MFSD2A: variants seen among roughly 807,000 people sequenced by gnomAD.
MFSD2A encodes the protein MFSD2 lysolipid transporter A, lysophospholipid, also known as sodium-dependent lysophosphatidylcholine symporter 1.
Under a neutral mutation model 64.7 loss-of-function variants are expected in MFSD2A, and 27 were observed. The observed-to-expected ratio is 0.42, with a 90% CI of 0.31 to 0.58. The LOEUF (loss-of-function observed/expected upper bound fraction) is 0.58. Ranked by LOEUF, MFSD2A falls within the 20% of genes least tolerant of loss-of-function variation. The pLI is 0.18. For missense variants in MFSD2A, 474 were observed against 679.5 expected (o/e 0.70, Z 3.36); for synonymous variants, 258 against 273.4 (o/e 0.94, Z 0.55).
In MFSD2A at chr1:39,967,364, A is replaced by G. The variant is rs775793693; in HGVS notation, c.1011+195A>G. ...GAAAGAGTTTGAGGTTAGATGTTTG[A>G]GTAGTGAGCACAGCAAAAGCAAGGG... On this transcript the variant is annotated intron_variant, in intron 9 of 13. Transcript: ENST00000372811. The G allele has an allele frequency of 2.8e-5, 18 of 636,160 alleles. No individual in the cohort carries two copies. In the Middle Eastern group the frequency reaches 3.4e-3, roughly 120 times the overall value. The allele number at this position is 636,160 out of a possible 1,614,324, so 39.4% of individuals were successfully genotyped here. A position where few individuals can be genotyped will look rare whatever the true frequency, so the allele number is the denominator to read the frequency against.
At chr1:39,961,724 C>G (rs1006050961) in intron 3 of MFSD2A, among the ~76,000 whole-genome samples, 1 of 151,588 alleles carries the variant, frequency 6.6e-6, no homozygotes, top group South Asian at 2.1e-4. Context: ...GTTGCCCAGG[C>G]TGTTCTTAAA....
Position 39,969,498 on chromosome 1 carries a change from C to G in MFSD2A, c.1530-7C>G, listed in dbSNP as rs1645237304. 1 of 1,597,824 alleles carries G rather than the reference C, an allele frequency of 6.3e-7. No individual in the cohort carries two copies. Among genetic ancestry groups the G allele is most frequent in the Non-Finnish European group, 8.5e-7 (1 of 1,173,350 alleles). On this transcript the variant is annotated splice_region_variant and splice_polypyrimidine_tract_variant and intron_variant, in intron 13 of 13. Transcript: ENST00000372811. Reference sequence around the variant, plus strand: ...TTCCTCCAACCCATCTCCTCTCTCTCTTGCAGGGACGAGGCCAGCAGCTCT... The same window carrying G: ...TTCCTCCAACCCATCTCCTCTCTCTGTTGCAGGGACGAGGCCAGCAGCTCT...
Position 39,955,395 on chromosome 1 carries a change from C to A in MFSD2A, c.93+10C>A. The A allele has an allele frequency of 2.6e-6, 4 of 1,510,574 alleles. No homozygotes were observed. The highest frequency in any genetic ancestry group is 2.4e-5 in the East Asian group (1 of 41,178). The allele number at this position is 1,510,574 out of a possible 1,614,324, so 93.6% of individuals were successfully genotyped here. ...CCCGGCCCAGGTGAAGGTGAGGGCC[C>A]GGCACCCCGCGTGGAGGGCGAGGGG... On this transcript the variant is annotated intron_variant, in intron 1 of 13. Transcript: ENST00000372811. This position sits in a 1 kb window ranked among gnomAD's most constrained non-coding sequence, Gnocchi z 5.9.
rs1341661572 is a variant in MFSD2A, at chr1:39,968,492, G to A, written c.1352+15G>A. ...CTCAGTCTGGAGTGAGTGGGGTGGG[G>A]ACCTGGGGCAGGACTGGGCAGGGCC... On this transcript the variant is annotated intron_variant, in intron 12 of 13. Transcript: ENST00000372811. The surrounding 1 kb of genome is among the most constrained non-coding windows in gnomAD (Gnocchi z 4.4). 3 of 1,614,158 alleles carry A rather than the reference G, an allele frequency of 1.9e-6. No homozygotes were observed. Among genetic ancestry groups the A allele is most frequent in the South Asian group, 1.1e-5 (1 of 91,082 alleles).
rs1311915045 is a variant in MFSD2A at position 39,965,806 on chromosome 1, G to A, written c.557-51G>A. 7 of 1,605,640 alleles carry A rather than the reference G, an allele frequency of 4.4e-6. No homozygotes were observed. The highest frequency in any genetic ancestry group is 6.0e-6 in the Non-Finnish European group (7 of 1,175,330). On this transcript the variant is annotated intron_variant, in intron 5 of 13. Transcript: ENST00000372811. The surrounding 1 kb of genome is among the most constrained non-coding windows in gnomAD (Gnocchi z 5.5). Reference sequence around the variant, plus strand: ...TCCCACCCATTTGACCTTCCTCCCTGGGCCCACAATCCATGAGGCCCCTCC... The same window carrying A: ...TCCCACCCATTTGACCTTCCTCCCTAGGCCCACAATCCATGAGGCCCCTCC...
chr1:39,967,750 G>T, intron 10 of MFSD2A, 39 bp downstream of exon 10: 1 of 1,611,344 alleles, frequency 6.2e-7, no homozygotes, highest in Non-Finnish European at 8.5e-7. Flanking sequence ...GTTGAGTTGG[G>T]ATGTCTGGTG....
intron 3 of MFSD2A, among the ~76,000 whole-genome samples, chr1:39,962,330 A>ATGCCACCTTCTCAGTAAGGCCT (rs1645061710): frequency 6.6e-6 from 1 of 152,158 alleles, no homozygotes; most frequent in African/African-American, 2.4e-5. Flanking sequence ...TTTGGCATGG[A>ATGCCACCTTCTCAGTAAGGCCT]TGCCACCTTC....
At chr1:39,967,553 T>C (rs757508624) in intron 9 of MFSD2A, 75 bp from the exon 10 acceptor site, 8 of 1,384,416 alleles carry the variant, frequency 5.8e-6, no homozygotes, top group Non-Finnish European at 8.2e-6. Context: ...GGAGCCACTT[T>C]GGGGTTCTGG....
chr1:39,969,896 G>T lies in MFSD2A; in HGVS notation c.*328G>T. 2.8e-6 allele frequency: 1 copy of T among 358,700 alleles called. No homozygotes were observed. Among genetic ancestry groups the T allele is most frequent in the Non-Finnish European group, 5.1e-6 (1 of 197,792 alleles). 22.2% of individuals were successfully genotyped at this position (358,700 alleles called of 1,614,324 possible). ...TTAATGACTGTGTACATAGCAATGTGTGTGTATGTATATGTCTGTGAGCTA... is the reference window on the plus strand; with the variant it reads ...TTAATGACTGTGTACATAGCAATGTTTGTGTATGTATATGTCTGTGAGCTA... On this transcript the variant is annotated 3_prime_UTR_variant, in exon 14 of 14. Transcript: ENST00000372811.
intron 6 of MFSD2A, 55 bp downstream of exon 6, chr1:39,966,069 T>G (rs545444621): frequency 6.3e-7 from 1 of 1,594,094 alleles, no homozygotes; most frequent in Non-Finnish European, 8.6e-7. Flanking sequence ...TGAGGTGGTT[T>G]GTAGTCATCC....
At chr1:39,959,041 G>A (rs1176313895) in intron 3 of MFSD2A, among the ~76,000 whole-genome samples, 1 of 152,126 alleles carries the variant, frequency 6.6e-6, no homozygotes, top group African/African-American at 2.4e-5. Flanking sequence ...CAAAGTGCTA[G>A]GCTGGGCAGC....
In MFSD2A at chr1:39,969,775, C is replaced by T; in HGVS notation, c.*207C>T. The T allele has an allele frequency of 1.7e-6, 1 of 574,846 alleles. No homozygotes were observed. Among genetic ancestry groups the T allele is most frequent in the Non-Finnish European group, 3.1e-6 (1 of 325,302 alleles). 35.6% of individuals were successfully genotyped at this position (574,846 alleles called of 1,614,324 possible). The stretch of plus-strand genomic sequence containing the variant: ...CCTCTGCCTGCCTGTGGGGCCAAGC[C>T]CTGGGGCTGCCACTGTGAATATGCC... On this transcript the variant is annotated 3_prime_UTR_variant, in exon 14 of 14. Coordinates refer to ENST00000372811, the MANE Select transcript of MFSD2A (RefSeq NM_032793.5).
chr1:39,966,679 C>T lies in MFSD2A; in HGVS notation c.793C>T (p.Arg265Trp), dbSNP rs751477861. The T allele has an allele frequency of 3.5e-5, 56 of 1,613,706 alleles. No individual in the cohort carries two copies. The South Asian group carries it at 3.6e-4, about 10-fold the overall frequency. ...ICAVILILGV[R>W]EQREPYEAQQ... ...TGCTGTCATCCTGATCCTGGGCGTG[C>T]GGGAGCAGAGAGGTAAGGGGGTGCC... The change falls in exon 7 of 14, where the codon CGG (arginine) becomes TGG (tryptophan). Residue 265 changes from arginine (R) to tryptophan (W), a missense_variant. Arg to Trp is a moderately radical substitution (Grantham distance 101). Coordinates refer to ENST00000372811, the MANE Select transcript of MFSD2A (RefSeq NM_032793.5).
Position 39,966,925 on chromosome 1 carries a change from C to G in MFSD2A, c.920C>G (p.Ala307Gly), listed in dbSNP as rs1307708476. The change falls in exon 8 of 14, where the codon GCT (alanine) becomes GGT (glycine). Residue 307 changes from alanine to glycine, a missense_variant. Physicochemically the swap from Ala to Gly is moderately conservative, Grantham distance 60. Coordinates refer to ENST00000372811, the MANE Select transcript of MFSD2A (RefSeq NM_032793.5). ...LITGFLFTSL[A>G]FMLVEGNFVL... ...ACTGGCTTCCTCTTCACCTCCTTGGCTTTCATGGTGAGTGGGTTCTGACAT... is the reference window on the plus strand; with the variant it reads ...ACTGGCTTCCTCTTCACCTCCTTGGGTTTCATGGTGAGTGGGTTCTGACAT... The G allele has an allele frequency of 1.2e-6, 2 of 1,613,182 alleles. No homozygotes were observed. The highest frequency in any genetic ancestry group is 1.7e-6 in the Non-Finnish European group (2 of 1,180,040).
Position 39,963,547 on chromosome 1 carries a change from G to T in MFSD2A, c.354-1664G>T, listed in dbSNP as rs908645503. On this transcript the variant is annotated intron_variant, in intron 3 of 13. Transcript: ENST00000372811. This position sits in a 1 kb window ranked among gnomAD's most constrained non-coding sequence, Gnocchi z 4.2. ...TTGCCTCAGTTTCCCAAGTAGCTGGGATAACAGGCATGTGCCACTGCCATT... is the reference window on the plus strand; with the variant it reads ...TTGCCTCAGTTTCCCAAGTAGCTGGTATAACAGGCATGTGCCACTGCCATT... The T allele has an allele frequency of 1.5e-4, 62 of 413,246 alleles. No individual in the cohort carries two copies. Among genetic ancestry groups the T allele is most frequent in the Non-Finnish European group, 2.4e-4 (56 of 231,542 alleles). 25.6% of individuals were successfully genotyped at this position (413,246 alleles called of 1,614,324 possible).
Position 39,955,828 on chromosome 1 carries a change from T to C in MFSD2A, c.93+443T>C, listed in dbSNP as rs1452208825. ...TGTTAGGGCCGCTCAAGTTCATTCA[T>C]AAGAACAAGAGCTCTGCTCTTAAAG... On this transcript the variant is annotated intron_variant, in intron 1 of 13. Coordinates refer to ENST00000372811, the MANE Select transcript of MFSD2A (RefSeq NM_032793.5). This position sits in a 1 kb window ranked among gnomAD's most constrained non-coding sequence, Gnocchi z 5.9. The C allele has an allele frequency of 6.0e-6, 2 of 332,578 alleles. No homozygotes were observed. The highest frequency in any genetic ancestry group is 3.9e-4 in the Middle Eastern group (1 of 2,544). The allele number at this position is 332,578 out of a possible 1,614,324, so 20.6% of individuals were successfully genotyped here. A position where few individuals can be genotyped will look rare whatever the true frequency, so the allele number is the denominator to read the frequency against.
In MFSD2A at chr1:39,966,637, T is replaced by G; in HGVS notation, c.751T>G (p.Cys251Gly). ...AYLLAAGVIV[C>G]IYIICAVILI... ...CCTGCTGGCAGCGGGGGTCATTGTC[T>G]GTATCTATATAATCTGTGCTGTCAT... is the stretch of plus-strand genomic sequence containing the variant. Residue 251 changes from cysteine (C) to glycine (G), a missense_variant, in exon 7 of 14, where the codon TGT becomes GGT. By Grantham distance (159) the Cys-to-Gly change is radical (BLOSUM62 -3). Coordinates refer to ENST00000372811, the MANE Select transcript of MFSD2A (RefSeq NM_032793.5). The G allele has an allele frequency of 6.2e-7, 1 of 1,613,924 alleles. No individual in the cohort carries two copies. Among genetic ancestry groups the G allele is most frequent in the Non-Finnish European group, 8.5e-7 (1 of 1,179,904 alleles).
At chr1:39,966,512 C>T (rs773280298) in intron 6 of MFSD2A, 89 bp from the exon 7 acceptor site, 37 of 1,097,398 alleles carry the variant, frequency 3.4e-5, no homozygotes, top group Non-Finnish European at 4.9e-5. Context: ...GGGGACTGGC[C>T]CAAGATCATT....
intron 2 of MFSD2A, among the ~76,000 whole-genome samples, chr1:39,957,667 C>T (rs116428056): frequency 0.021 from 3,201 of 152,300 alleles, 108 homozygotes; most frequent in African/African-American, 0.072. Flanking sequence ...AGGTGCCAGG[C>T]TAAGTTAGAA....
Sources: allele counts gnomAD v4.1 joint callset (sites outside exome capture counted in the v4.1 genomes callset), GRCh38; gene constraint gnomAD v4.1.1; non-coding constraint Gnocchi (gnomAD v3.1); transcripts MANE v1.5; gene names NCBI Gene and HGNC (gene_info 2026-07-23, HGNC 2026-07-21).